The following TRPS1 variants were observed in gnomAD, a reference collection of about 807,000 sequenced individuals.
TRPS1 encodes the protein zinc finger transcription factor Trps1.
TRPS1 carries 6 observed loss-of-function variants against 101.2 expected under a neutral mutation model. The observed-to-expected ratio is 0.06, with a 90% CI of 0.03 to 0.12. The LOEUF is 0.12. Ranked by LOEUF, TRPS1 falls within the 10% of genes least tolerant of loss-of-function variation. TRPS1 has a pLI of 1.00. For missense variants in TRPS1, 1,363 were observed against 1,567.0 expected (o/e 0.87, Z 2.20); for synonymous variants, 578 against 589.8 (o/e 0.98, Z 0.29).
chr8:115,570,952 T>C (rs1344528282), intron 5 of TRPS1, among the ~76,000 whole-genome samples: 1 of 152,182 alleles, frequency 6.6e-6, no homozygotes, highest in Non-Finnish European at 1.5e-5. Context: ...TTGCCAGCCA[T>C]AAGAAAGGTC....
intron 5 of TRPS1, among the ~76,000 whole-genome samples, chr8:115,565,533 T>C (rs1817048779): frequency 6.6e-6 from 1 of 152,096 alleles, no homozygotes; most frequent in African/African-American, 2.4e-5. Context: ...GAGTTCATTG[T>C]TTTGATTTTA....
intron 5 of TRPS1, chr8:115,509,845 AC>A: frequency 1.3e-5 from 2 of 151,918 alleles, no homozygotes; most frequent in Non-Finnish European, 2.9e-5. Context: ...TGCCTAGGCC[AC>A]CACTCTGCTG....
chr8:115,564,176 C>G (rs1817012461), intron 5 of TRPS1, among the ~76,000 whole-genome samples: 1 of 152,054 alleles, frequency 6.6e-6, no homozygotes. Flanking sequence ...AGAAAAATAG[C>G]AGCGATTAAA....
Position 115,655,555 on chromosome 8 carries a change from G to A in TRPS1, c.-122+12990C>T, listed in dbSNP as rs185527047. Among the ~76,000 whole-genome samples, 629 of 152,082 alleles carry A rather than the reference G, an allele frequency of 4.1e-3. 2 individuals carry two copies. The highest frequency in any genetic ancestry group is 6.4e-3 in the Non-Finnish European group (436 of 67,958). On this transcript the variant is annotated intron_variant, in intron 1 of 6. Transcript: ENST00000395715. ...CTTCCATTTGTATGTTTTTGTACAT[G>A]GTTTTATTAATGTAACCTAATGAAA...
rs1812765622 is a variant in TRPS1 at position 115,410,538 on chromosome 8, T to C, written c.*3485A>G. ...AGAATTGGGCATACTCTTTTCCTTT[T>C]GAACTACAGAGTTATCAATTAGAGC... is the stretch of plus-strand genomic sequence containing the variant. On this transcript the variant is annotated 3_prime_UTR_variant, in exon 7 of 7. Transcript: ENST00000395715. 1 of 152,518 alleles carries C rather than the reference T, an allele frequency of 6.6e-6. No homozygotes were observed. Among genetic ancestry groups the C allele is most frequent in the Admixed American group, 6.6e-5 (1 of 15,242 alleles). The allele number at this position is 152,518 out of a possible 1,614,324, so 9.4% of individuals were successfully genotyped here.
At chr8:115,611,797 G>A (rs908434424) in intron 3 of TRPS1, among the ~76,000 whole-genome samples, 4 of 152,170 alleles carry the variant, frequency 2.6e-5, no homozygotes, top group African/African-American at 7.2e-5. Flanking sequence ...GGTACATAAC[G>A]GTGCTTGCTA....
chr8:115,581,549 CT>C (rs1817453467), intron 5 of TRPS1, among the ~76,000 whole-genome samples: 1 of 151,878 alleles, frequency 6.6e-6, no homozygotes, highest in Non-Finnish European at 1.5e-5. Context: ...AAAAAAAGTG[CT>C]TTAAAAAATG....
chr8:115,537,651 A>G (rs1032791663), intron 5 of TRPS1, among the ~76,000 whole-genome samples: 2 of 152,226 alleles, frequency 1.3e-5, no homozygotes, highest in African/African-American at 4.8e-5. Flanking sequence ...CTCCAAAATA[A>G]ATTTTTAACT....
At chr8:115,481,433 A>T (rs983189621) in intron 5 of TRPS1, among the ~76,000 whole-genome samples, 1 of 151,648 alleles carries the variant, frequency 6.6e-6, no homozygotes, top group Admixed American at 6.6e-5. Context: ...ACCCATACAG[A>T]GTAATTATAT....
At chr8:115,624,469 A>T (rs749611918) in intron 1 of TRPS1, among the ~76,000 whole-genome samples, 9 of 152,024 alleles carry the variant, frequency 5.9e-5, no homozygotes, top group Non-Finnish European at 1.3e-4. Context: ...TGAACAGCCC[A>T]TATAATGAGA....
intron 1 of TRPS1, among the ~76,000 whole-genome samples, chr8:115,642,318 C>A (rs1983540): frequency 0.027 from 3 of 112 alleles, no homozygotes; most frequent in African/African-American, 0.083. Context: ...CGATATGAAT[C>A]CAACAGAAAC....
chr8:115,424,941 C>CG (rs1451341013), intron 5 of TRPS1, among the ~76,000 whole-genome samples: 4 of 152,118 alleles, frequency 2.6e-5, no homozygotes, highest in African/African-American at 9.7e-5. Flanking sequence ...TAGGAGACAT[C>CG]GAAGGCCATG....
chr8:115,489,713 A>C (rs1814973325), intron 5 of TRPS1, among the ~76,000 whole-genome samples: 1 of 152,230 alleles, frequency 6.6e-6, no homozygotes, highest in Non-Finnish European at 1.5e-5. Flanking sequence ...AATATACTTT[A>C]TTGGTCCCTA....
chr8:115,595,528 T>C (rs1411137492), intron 4 of TRPS1, among the ~76,000 whole-genome samples: 1 of 151,920 alleles, frequency 6.6e-6, no homozygotes, highest in African/African-American at 2.4e-5. Context: ...TCAGTAATAG[T>C]AACTGGCTTT....
rs1270695163 is a variant in TRPS1 at position 115,623,992 on chromosome 8, G to A, written c.-121-234C>T. ...ACATAAGTCATTTTCATAACAGACT[G>A]TGATGTTGGTGAAATTATTTAACCT... On this transcript the variant is annotated intron_variant, in intron 1 of 6. Transcript: ENST00000395715. Among the ~76,000 whole-genome samples the A allele has an allele frequency of 2.0e-5, 3 of 152,002 alleles. No individual in the cohort carries two copies. In the East Asian group the frequency reaches 5.8e-4, roughly 29 times the overall value.
At chr8:115,618,659 C>T (rs1023098408) in intron 3 of TRPS1, among the ~76,000 whole-genome samples, 1 of 152,288 alleles carries the variant, frequency 6.6e-6, no homozygotes, top group African/African-American at 2.4e-5. Context: ...ATCTCTGCAA[C>T]CATCAATATG....
At chr8:115,498,403 CTCTCTCTCTCTCTATATATATA>C (rs1274518894) in intron 5 of TRPS1, among the ~76,000 whole-genome samples, 38 of 84,818 alleles carry the variant, frequency 4.5e-4, no homozygotes, top group South Asian at 2.4e-3. Flanking sequence ...CTCTCTCTCT[CTCTCTCTCTCTCTATATATATA>C]TATATATATA....
intron 5 of TRPS1, among the ~76,000 whole-genome samples, chr8:115,533,439 T>TTTTTTTTTTTTG (rs1816192105): frequency 2.6e-5 from 3 of 116,696 alleles, no homozygotes; most frequent in Admixed American, 8.2e-5. Context: ...GTAATCTGTT[T>TTTTTTTTTTTTG]TTTTTTTTTT....
chr8:115,662,740 TA>T (rs771208083), intron 1 of TRPS1, among the ~76,000 whole-genome samples: 2 of 149,824 alleles, frequency 1.3e-5, no homozygotes, highest in Non-Finnish European at 3.0e-5. Context: ...TAAATAGGGT[TA>T]AAAAATTATC....
Sources: allele counts gnomAD v4.1 joint callset (sites outside exome capture counted in the v4.1 genomes callset), GRCh38; gene constraint gnomAD v4.1.1; transcripts MANE v1.5; gene names NCBI Gene and HGNC (gene_info 2026-07-23, HGNC 2026-07-21).